TDRD1: variants seen among roughly 807,000 people sequenced by gnomAD.
The protein encoded by TDRD1 is tudor domain-containing protein 1.
In TDRD1, 37 loss-of-function variants were observed where a neutral mutation model predicts 140.6. That is an observed-to-expected ratio of 0.26 (90% CI 0.20 to 0.35). The LOEUF (loss-of-function observed/expected upper bound fraction) is 0.35. Among genes scored for constraint, TDRD1 ranks in the 10% least tolerant of loss-of-function variants. TDRD1 has a pLI of 1.00. For synonymous variants in TDRD1, 506 were observed against 475.7 expected, an observed-to-expected ratio of 1.06 and a Z score of -0.83; for missense variants, 1,243 against 1,393.0, an observed-to-expected ratio of 0.89 and a Z score of 1.71.
chr10:114,213,743 AT>A (rs2133086461), intron 15 of TDRD1, among the ~76,000 whole-genome samples, 155 bp downstream of exon 15: 1 of 152,342 alleles, frequency 6.6e-6, no homozygotes, highest in African/African-American at 2.4e-5. Flanking sequence ...TGTTTGAAAA[AT>A]AAAATTTTAT....
intron 9 of TDRD1, among the ~76,000 whole-genome samples, 180 bp downstream of exon 9, chr10:114,204,396 T>A (rs2034967863): frequency 6.6e-6 from 1 of 152,210 alleles, no homozygotes; most frequent in African/African-American, 2.4e-5. Flanking sequence ...GGTGAGAAAC[T>A]AACATTTTTA....
At chr10:114,208,739 A>G (rs943685809) in intron 11 of TDRD1, among the ~76,000 whole-genome samples, 1 of 151,968 alleles carries the variant, frequency 6.6e-6, no homozygotes, top group Non-Finnish European at 1.5e-5. Flanking sequence ...CTACTTGCTT[A>G]GTATGGCATC....
chr10:114,226,164 C>T, exon 22 of TDRD1: 6 of 1,614,008 alleles, frequency 3.7e-6, no homozygotes, highest in Non-Finnish European at 5.1e-6. Flanking sequence ...TGCAACCAAT[C>T]ACCTCTAGCC....
chr10:114,204,607 C>A, intron 9 of TDRD1, 115 bp from the exon 10 acceptor site: 1 of 1,068,330 alleles, frequency 9.4e-7, no homozygotes, highest in Non-Finnish European at 1.3e-6. Flanking sequence ...CTGATTAGTA[C>A]TTGAAGATTT....
chr10:114,185,013 T>A (rs1350683370), intron 1 of TDRD1, among the ~76,000 whole-genome samples: 1 of 152,218 alleles, frequency 6.6e-6, no homozygotes, highest in South Asian at 2.1e-4. Context: ...AGGTCAAGTT[T>A]ATTGTTACTC....
chr10:114,228,854 C>T lies in TDRD1; in HGVS notation c.3538+729C>T, dbSNP rs981644085. 2.7e-5 allele frequency: 24 copies of T among 874,516 alleles called. No homozygotes were observed. In the East Asian group the frequency reaches 4.8e-4, roughly 18 times the overall value. The allele number at this position is 874,516 out of a possible 1,614,324, so 54.2% of individuals were successfully genotyped here. A position where few individuals can be genotyped will look rare whatever the true frequency, so the allele number is the denominator to read the frequency against. ...ATCCCAGCACTTTGGGAGGCTGAGG[C>T]GGGCAGATCACCTGAGCCCAGGCGT... On this transcript the variant is annotated intron_variant, in intron 25 of 25. Transcript: ENST00000251864.
chr10:114,210,517 C>A, intron 11 of TDRD1, 64 bp from the exon 12 acceptor site: 1 of 1,444,132 alleles, frequency 6.9e-7, no homozygotes. Flanking sequence ...TTAAAGCGTG[C>A]ATAATTTTTT....
At position 114,222,628 on chromosome 10, in the gene TDRD1, G is replaced by C. The variant is rs1357943983; in HGVS notation, c.2932G>C (p.Glu978Gln). Reference sequence around the variant, plus strand: ...GTGCATGTTGACAGCTGAATTATTAGAATACTGCAATGCTCCGAAAAGTCG... The same window carrying C: ...GTGCATGTTGACAGCTGAATTATTACAATACTGCAATGCTCCGAAAAGTCG... The change falls in exon 21 of 26, where the codon GAA becomes CAA. Residue 978 changes from glutamate to glutamine, a missense_variant. Physicochemically the swap from Glu to Gln is conservative, Grantham distance 29 (BLOSUM62 2). Coordinates refer to ENST00000251864, the Ensembl canonical transcript of TDRD1. 1.2e-6 allele frequency: 2 copies of C among 1,612,990 alleles called. No individual in the cohort carries two copies. Among genetic ancestry groups the C allele is most frequent in the Admixed American group, 1.7e-5 (1 of 59,902 alleles).
exon 10 of TDRD1, chr10:114,204,841 C>T (rs1294350469): frequency 6.3e-7 from 1 of 1,597,044 alleles, no homozygotes; most frequent in Non-Finnish European, 8.5e-7. Flanking sequence ...TTGTCGACAT[C>T]TTGGAAGAGG....
At chr10:114,217,785 A>G (rs975857745) in intron 17 of TDRD1, 130 bp downstream of exon 17, 1 of 596,740 alleles carries the variant, frequency 1.7e-6, no homozygotes, top group Non-Finnish European at 3.0e-6. Flanking sequence ...AATGCTTACA[A>G]TGTCATGTGT....
At position 114,204,231 on chromosome 10, in the gene TDRD1, C is replaced by T. The variant is rs976259503; in HGVS notation, c.1125+15C>T. 1.3e-6 allele frequency: 2 copies of T among 1,572,682 alleles called. No homozygotes were observed. Among genetic ancestry groups the T allele is most frequent in the African/African-American group, 2.8e-5 (2 of 72,216 alleles). On this transcript the variant is annotated intron_variant, in intron 9 of 25. Transcript: ENST00000251864. ...TTCCTCCTTGTGTGAGTCTCTTTTACTTTCTAGATTTTTAATAGTGTCCCA... is the reference window on the plus strand; with the variant it reads ...TTCCTCCTTGTGTGAGTCTCTTTTATTTTCTAGATTTTTAATAGTGTCCCA...
intron 1 of TDRD1, among the ~76,000 whole-genome samples, chr10:114,182,191 A>G (rs2119956284): frequency 6.6e-6 from 1 of 152,320 alleles, no homozygotes; most frequent in African/African-American, 2.4e-5. Flanking sequence ...AGAGTCTCAG[A>G]TATTTTTGAA....
At chr10:114,223,126 T>G (rs985677150) in intron 21 of TDRD1, among the ~76,000 whole-genome samples, 3 of 152,248 alleles carry the variant, frequency 2.0e-5, no homozygotes, top group African/African-American at 7.2e-5. Flanking sequence ...ATGTCTCATT[T>G]TAACAAATTT....
exon 19 of TDRD1, chr10:114,220,632 T>A: frequency 5.0e-6 from 8 of 1,613,558 alleles, no homozygotes; most frequent in Non-Finnish European, 6.8e-6. Flanking sequence ...TGTGTGTTGC[T>A]GGGATAAAAT....
intron 1 of TDRD1, among the ~76,000 whole-genome samples, chr10:114,186,981 A>G (rs1421476767): frequency 6.6e-6 from 1 of 152,128 alleles, no homozygotes. Flanking sequence ...CCGCTCAGCC[A>G]TTTTGGGAGC....
intron 3 of TDRD1, among the ~76,000 whole-genome samples, chr10:114,197,099 C>T (rs2034417737): frequency 6.6e-6 from 1 of 152,028 alleles, no homozygotes; most frequent in African/African-American, 2.4e-5. Flanking sequence ...CCACCTGCCT[C>T]AGCCTCCCAG....
At chr10:114,206,388 C>A in intron 11 of TDRD1, 58 bp downstream of exon 11, 2 of 1,409,632 alleles carry the variant, frequency 1.4e-6, no homozygotes, top group Non-Finnish European at 2.0e-6. Context: ...GACCATCTAC[C>A]TACTAAACAA....
At chr10:114,209,023 C>T (rs1044424589) in intron 11 of TDRD1, among the ~76,000 whole-genome samples, 1 of 152,020 alleles carries the variant, frequency 6.6e-6, no homozygotes, top group Non-Finnish European at 1.5e-5. Flanking sequence ...ACCTCGTGAA[C>T]TGCCCGCCTC....
chr10:114,226,002 G>A, intron 21 of TDRD1, 47 bp from the exon 22 acceptor site: 4 of 1,495,624 alleles, frequency 2.7e-6, no homozygotes, highest in Non-Finnish European at 3.7e-6. Context: ...AAAGTAGGAG[G>A]AATCACTGAC....
Sources: allele counts gnomAD v4.1 joint callset (sites outside exome capture counted in the v4.1 genomes callset), GRCh38; gene constraint gnomAD v4.1.1; transcripts MANE v1.5; gene names NCBI Gene and HGNC (gene_info 2026-07-23, HGNC 2026-07-21).